Variants in CHRM3 observed in about 807,000 individuals in gnomAD.
CHRM3 encodes cholinergic receptor muscarinic 3.
In CHRM3, 11 loss-of-function variants were observed where a neutral mutation model predicts 41.8. The ratio of observed to expected loss-of-function variants is 0.26; its 90% CI spans 0.17 to 0.44. The LOEUF is 0.44. Among genes scored for constraint, CHRM3 ranks in the 20% least tolerant of loss-of-function variants. The pLI, the probability that CHRM3 is intolerant of heterozygous loss-of-function variation, is 1.00. For synonymous variants in CHRM3, 297 were observed against 301.4 expected (o/e 0.99, Z 0.15); for missense variants, 571 against 745.4 (o/e 0.77, Z 2.72).
intron 6 of CHRM3, among the ~76,000 whole-genome samples, chr1:239,829,704 T>C (rs1672747935): frequency 6.6e-6 from 1 of 152,158 alleles, no homozygotes. Context: ...AGAGGCAGAC[T>C]GCCTCGATGT....
chr1:239,907,890 A>G lies in CHRM3; in HGVS notation c.439A>G (p.Ile147Val), dbSNP rs2103048849. ...CTTGGCCTGTGACCTCTGGCTTGCC[A>G]TTGACTACGTAGCCAGCAATGCCTC... ...GNLACDLWLA[I>V]DYVASNASVM... The change falls in exon 7 of 7, where the codon ATT becomes GTT. Residue 147 changes from isoleucine to valine, a missense_variant. Coordinates refer to ENST00000676153, the MANE Select transcript of CHRM3 (RefSeq NM_001375978.1). The surrounding 1 kb of genome is among the most constrained non-coding windows in gnomAD (Gnocchi z 5.4). 3 of 1,614,222 alleles carry G rather than the reference A, an allele frequency of 1.9e-6. No homozygotes were observed. The highest frequency in any genetic ancestry group is 1.7e-6 in the Non-Finnish European group (2 of 1,180,046).
chr1:239,518,021 G>A (rs577626325), intron 2 of CHRM3, among the ~76,000 whole-genome samples: 45 of 151,940 alleles, frequency 3.0e-4, no homozygotes, highest in Admixed American at 1.0e-3. Context: ...CAGAAGAATC[G>A]TTTGAACCTG....
chr1:239,569,942 T>A (rs995346553), intron 3 of CHRM3, among the ~76,000 whole-genome samples: 1 of 152,202 alleles, frequency 6.6e-6, no homozygotes, highest in Non-Finnish European at 1.5e-5. Context: ...ATTCTGAAGA[T>A]GATTCTCAAG....
At chr1:239,438,367 T>G (rs1663439151) in intron 1 of CHRM3, among the ~76,000 whole-genome samples, 1 of 152,216 alleles carries the variant, frequency 6.6e-6, no homozygotes, top group Admixed American at 6.5e-5. Flanking sequence ...CACATCCAGC[T>G]GAAAGTGGGG....
chr1:239,857,833 T>C (rs141681655), intron 6 of CHRM3, among the ~76,000 whole-genome samples: 1 of 152,324 alleles, frequency 6.6e-6, no homozygotes, highest in African/African-American at 2.4e-5. Context: ...TTTGTGCAAT[T>C]ACCATAGGTC....
intron 1 of CHRM3, among the ~76,000 whole-genome samples, chr1:239,401,810 T>C (rs1223803409): frequency 3.9e-5 from 6 of 152,100 alleles, no homozygotes; most frequent in Non-Finnish European, 8.8e-5. Context: ...AGGGGATTTT[T>C]AAGATTATCT....
At chr1:239,412,581 T>A (rs953901380) in intron 1 of CHRM3, among the ~76,000 whole-genome samples, 1 of 151,326 alleles carries the variant, frequency 6.6e-6, no homozygotes, top group Admixed American at 6.6e-5. Flanking sequence ...ATGAAATGAG[T>A]ATATGTGTGC....
chr1:239,473,207 A>G (rs1666242772), intron 1 of CHRM3, among the ~76,000 whole-genome samples: 1 of 151,876 alleles, frequency 6.6e-6, no homozygotes, highest in Admixed American at 6.6e-5. Flanking sequence ...AAAGGAAGAA[A>G]TACACCATAA....
chr1:239,720,632 T>G (rs1192503346), intron 5 of CHRM3, among the ~76,000 whole-genome samples: 1 of 151,920 alleles, frequency 6.6e-6, no homozygotes, highest in Non-Finnish European at 1.5e-5. Context: ...TTTGGGGAAT[T>G]TCAGTGTTTC....
intron 3 of CHRM3, among the ~76,000 whole-genome samples, chr1:239,584,330 C>T (rs1285692649): frequency 1.3e-5 from 2 of 152,038 alleles, no homozygotes; most frequent in Admixed American, 1.3e-4. Flanking sequence ...TCTCGAACAC[C>T]TGATCTCAAG....
intron 1 of CHRM3, among the ~76,000 whole-genome samples, chr1:239,427,768 T>C (rs1662508443): frequency 6.6e-6 from 1 of 151,788 alleles, no homozygotes; most frequent in Admixed American, 6.6e-5. Flanking sequence ...GACAAGCAGA[T>C]GGAGGATCCT....
At chr1:239,773,594 A>C (rs1667857350) in intron 5 of CHRM3, among the ~76,000 whole-genome samples, 1 of 152,208 alleles carries the variant, frequency 6.6e-6, no homozygotes, top group Non-Finnish European at 1.5e-5. Flanking sequence ...CAGGAATGAA[A>C]GTAAAGGAGC....
In CHRM3 at chr1:239,677,014, A is replaced by G. The variant is rs142785181; in HGVS notation, c.-249-1172A>G. Among the ~76,000 whole-genome samples, 125 of 152,104 alleles carry G rather than the reference A, an allele frequency of 8.2e-4. 1 individual carries two copies. The highest frequency in any genetic ancestry group is 2.9e-3 in the African/African-American group (120 of 41,530). On this transcript the variant is annotated intron_variant, in intron 4 of 6. Transcript: ENST00000676153. ...CCTCCTGCATGGGAGCATGACGGCT[A>G]GATCTCTTTCTCCTCCCTCCCCATC...
chr1:239,749,460 G>C (rs1206418129), intron 5 of CHRM3, among the ~76,000 whole-genome samples: 2 of 152,146 alleles, frequency 1.3e-5, no homozygotes, highest in African/African-American at 4.8e-5. Flanking sequence ...CCTGACGTCA[G>C]GAGTTCAAGA....
chr1:239,805,954 G>A (rs1036861290), intron 5 of CHRM3, among the ~76,000 whole-genome samples: 3 of 152,032 alleles, frequency 2.0e-5, no homozygotes, highest in Non-Finnish European at 4.4e-5. Context: ...TCATTACCAC[G>A]TTAAAAACGA....
intron 2 of CHRM3, among the ~76,000 whole-genome samples, chr1:239,522,683 T>C (rs1402651474): frequency 6.6e-6 from 1 of 152,180 alleles, no homozygotes; most frequent in Non-Finnish European, 1.5e-5. Context: ...GTAGAGATGT[T>C]GTTCAGGCAG....
chr1:239,849,937 G>C (rs780800867), intron 6 of CHRM3, among the ~76,000 whole-genome samples: 11 of 152,176 alleles, frequency 7.2e-5, no homozygotes, highest in Non-Finnish European at 8.8e-5. Context: ...CTTATTGAAA[G>C]GTATCTGCTC....
At chr1:239,602,008 G>T (rs947389253) in intron 3 of CHRM3, among the ~76,000 whole-genome samples, 4 of 149,616 alleles carry the variant, frequency 2.7e-5, no homozygotes, top group African/African-American at 9.9e-5. Context: ...AGCCACTTCT[G>T]ACTTTAAAAT....
At chr1:239,451,905 A>G (rs1664582854) in intron 1 of CHRM3, among the ~76,000 whole-genome samples, 1 of 152,156 alleles carries the variant, frequency 6.6e-6, no homozygotes, top group Non-Finnish European at 1.5e-5. Context: ...AGTAGTTACT[A>G]TTTGATTAAA....
Sources: gnomAD v4.1 joint callset for allele counts (sites outside exome capture counted in the v4.1 genomes callset) on GRCh38, gnomAD v4.1.1 for gene constraint, Gnocchi (gnomAD v3.1) non-coding constraint, MANE v1.5 for transcripts, NCBI Gene and HGNC (gene_info 2026-07-23, HGNC 2026-07-21) for gene names.